DLG2: variants seen among roughly 807,000 people sequenced by gnomAD.
The protein encoded by DLG2 is disks large homolog 2.
DLG2 carries 45 observed loss-of-function variants against 132.5 expected under a neutral mutation model. The ratio of observed to expected loss-of-function variants is 0.34; its 90% confidence interval spans 0.27 to 0.44. The LOEUF is 0.44. DLG2 is among the 20% of genes least tolerant of loss of function. The pLI is 1.00. For synonymous variants in DLG2, 424 were observed against 419.6 expected (o/e 1.01, Z -0.13); for missense variants, 1,045 against 1,196.9 (o/e 0.87, Z 1.87).
chr11:84,412,496 C>T (rs2098911863), intron 7 of DLG2, among the ~76,000 whole-genome samples: 1 of 152,184 alleles, frequency 6.6e-6, no homozygotes, highest in Admixed American at 6.5e-5. Flanking sequence ...TATTAATCTC[C>T]ACTTTAGACA....
At chr11:84,610,943 C>T (rs185023364) in intron 6 of DLG2, among the ~76,000 whole-genome samples, 51 of 151,488 alleles carry the variant, frequency 3.4e-4, no homozygotes, top group Admixed American at 3.0e-3. Flanking sequence ...CTTTATTTAT[C>T]AACTCAGATG....
intron 19 of DLG2, among the ~76,000 whole-genome samples, chr11:83,620,678 G>A (rs1049095425): frequency 1.3e-5 from 2 of 151,524 alleles, no homozygotes; most frequent in South Asian, 2.1e-4. Context: ...AGACCATCCC[G>A]GCTAAAACGG....
chr11:85,347,396 A>C (rs185962269), intron 3 of DLG2, among the ~76,000 whole-genome samples: 136 of 152,256 alleles, frequency 8.9e-4, no homozygotes, highest in Non-Finnish European at 5.9e-4. Flanking sequence ...ACAAGAAAGC[A>C]ACCAGACCTG....
chr11:83,938,691 G>A (rs1454478525), intron 14 of DLG2, among the ~76,000 whole-genome samples: 2 of 152,098 alleles, frequency 1.3e-5, no homozygotes, highest in African/African-American at 4.8e-5. Context: ...CAGGTATATA[G>A]TAAAACAATT....
intron 4 of DLG2, among the ~76,000 whole-genome samples, chr11:85,233,970 A>G (rs1302215867): frequency 6.6e-6 from 1 of 151,884 alleles, no homozygotes; most frequent in Non-Finnish European, 1.5e-5. Flanking sequence ...ACAATTATTA[A>G]TGAGAAGATG....
chr11:85,222,959 G>A (rs938713722), intron 4 of DLG2, among the ~76,000 whole-genome samples: 1 of 152,114 alleles, frequency 6.6e-6, no homozygotes, highest in African/African-American at 2.4e-5. Flanking sequence ...CCTGGCATTA[G>A]TGGGCATTTC....
At chr11:84,711,829 A>G (rs78886307) in intron 6 of DLG2, among the ~76,000 whole-genome samples, 400 of 152,078 alleles carry the variant, frequency 2.6e-3, no homozygotes, top group African/African-American at 8.9e-3. Flanking sequence ...ATGATATTTA[A>G]CCAAATGTCT....
chr11:84,313,606 G>A (rs1469808008), intron 7 of DLG2, among the ~76,000 whole-genome samples: 3 of 123,154 alleles, frequency 2.4e-5, no homozygotes, highest in African/African-American at 9.3e-5. Flanking sequence ...AGGAGGGAAG[G>A]AAAGAAGGAA....
intron 7 of DLG2, among the ~76,000 whole-genome samples, chr11:84,352,523 G>T (rs544744108): frequency 4.6e-5 from 7 of 152,204 alleles, no homozygotes; most frequent in African/African-American, 1.4e-4. Context: ...CCAGAATTTT[G>T]TTTCCTGTAT....
intron 7 of DLG2, among the ~76,000 whole-genome samples, chr11:84,462,415 T>C (rs1449263982): frequency 2.0e-5 from 3 of 151,140 alleles, no homozygotes; most frequent in Admixed American, 6.6e-5. Context: ...CTGAAATTAA[T>C]TGATAAACAC....
chr11:84,656,964 C>G (rs1012505000), intron 6 of DLG2, among the ~76,000 whole-genome samples: 2 of 152,144 alleles, frequency 1.3e-5, no homozygotes, highest in Non-Finnish European at 2.9e-5. Flanking sequence ...TGAGCACCAA[C>G]TCTGTGCCAG....
chr11:85,505,326 T>G (rs1866604223), intron 3 of DLG2, among the ~76,000 whole-genome samples: 1 of 152,230 alleles, frequency 6.6e-6, no homozygotes, highest in African/African-American at 2.4e-5. Flanking sequence ...CTTCCAGTTT[T>G]TGCCCATTTA....
intron 7 of DLG2, among the ~76,000 whole-genome samples, chr11:84,359,859 G>A (rs1469493844): frequency 1.3e-5 from 2 of 151,760 alleles, no homozygotes. Context: ...TAATACACTT[G>A]GTTCTAAATC....
At chr11:84,024,960 G>T (rs995328685) in intron 11 of DLG2, among the ~76,000 whole-genome samples, 1 of 151,842 alleles carries the variant, frequency 6.6e-6, no homozygotes, top group African/African-American at 2.4e-5. Flanking sequence ...TAGCTTAATT[G>T]TTCCACATTG....
chr11:85,376,949 G>A (rs553010847), intron 3 of DLG2, among the ~76,000 whole-genome samples: 68 of 152,144 alleles, frequency 4.5e-4, no homozygotes, highest in African/African-American at 1.4e-3. Flanking sequence ...ACACATGTGC[G>A]CCTTACTATA....
Position 84,166,928 on chromosome 11 carries a change from A to G in DLG2, c.574-3417T>C, listed in dbSNP as rs998209732. The G allele has an allele frequency of 5.6e-6, 3 of 533,172 alleles. No individual in the cohort carries two copies. The Admixed American group carries it at 5.8e-5, about 10-fold the overall frequency. 33.0% of individuals were successfully genotyped at this position (533,172 alleles called of 1,614,324 possible). A position where few individuals can be genotyped will look rare whatever the true frequency, so the allele number is the denominator to read the frequency against. On this transcript the variant is annotated intron_variant, in intron 8 of 27. Coordinates refer to ENST00000376104, the MANE Select transcript of DLG2 (RefSeq NM_001142699.3). ...GCCGAATACATTTTTTTTCTTGTACAGTAACACTTACGGTAATATTTAAGT... is the reference window on the plus strand; with the variant it reads ...GCCGAATACATTTTTTTTCTTGTACGGTAACACTTACGGTAATATTTAAGT...
At chr11:83,550,820 C>T (rs1266916466) in intron 19 of DLG2, among the ~76,000 whole-genome samples, 1 of 152,006 alleles carries the variant, frequency 6.6e-6, no homozygotes, top group South Asian at 2.1e-4. Flanking sequence ...CTGACACAGC[C>T]CTGATTACAG....
rs931297913 is a variant in DLG2, at chr11:84,714,583, T to C, written c.358-179852A>G. 6.8e-3 allele frequency among the ~76,000 whole-genome samples: 866 copies of C among 126,942 alleles called. 28 individuals carry two copies. The highest frequency in any genetic ancestry group is 0.024 in the African/African-American group (686 of 28,776). 83.3% of individuals were successfully genotyped at this position (126,942 alleles called of 152,430 possible). On this transcript the variant is annotated intron_variant, in intron 6 of 27. Coordinates refer to ENST00000376104, the MANE Select transcript of DLG2 (RefSeq NM_001142699.3). ...TTTCTCTTTCTCTTTCTCTTTCTCTTTCTCTTTCTCTTTCTTTCTCTTTCT... is the reference window on the plus strand; with the variant it reads ...TTTCTCTTTCTCTTTCTCTTTCTCTCTCTCTTTCTCTTTCTTTCTCTTTCT...
intron 17 of DLG2, chr11:83,791,265 G>A (rs2041488743): frequency 7.5e-6 from 5 of 668,212 alleles, no homozygotes; most frequent in Admixed American, 7.4e-5. Context: ...AGGAGAAGGT[G>A]TCCTCATCGG....
Sources: allele counts gnomAD v4.1 joint callset (sites outside exome capture counted in the v4.1 genomes callset), GRCh38; gene constraint gnomAD v4.1.1; transcripts MANE v1.5; gene names NCBI Gene and HGNC (gene_info 2026-07-23, HGNC 2026-07-21).